NCOA1: variants seen among roughly 807,000 people sequenced by gnomAD.
The protein encoded by NCOA1 is nuclear receptor coactivator 1, also known as Hin-2 protein.
In NCOA1, 35 loss-of-function variants were observed where a neutral mutation model predicts 150.9. The ratio of observed to expected loss-of-function variants is 0.23; its 90% CI spans 0.18 to 0.31. The LOEUF (loss-of-function observed/expected upper bound fraction) is 0.31, where lower values mean the gene tolerates loss of function less well. NCOA1 is among the 10% of genes least tolerant of loss of function. NCOA1 has a pLI of 1.00. For missense variants in NCOA1, 1,491 were observed against 1,749.3 expected (o/e 0.85, Z 2.63); for synonymous variants, 590 against 630.0 (o/e 0.94, Z 0.95).
chr2:24,667,430 A>G (rs1487281279), intron 6 of NCOA1, among the ~76,000 whole-genome samples: 1 of 152,172 alleles, frequency 6.6e-6, no homozygotes, highest in Admixed American at 6.5e-5. Flanking sequence ...TAATGTGAAC[A>G]AAAAGCCAGG....
chr2:24,594,905 G>A (rs554370210), intron 3 of NCOA1, among the ~76,000 whole-genome samples: 2 of 152,068 alleles, frequency 1.3e-5, no homozygotes, highest in South Asian at 4.1e-4. Flanking sequence ...TTATAGTAAT[G>A]CAATTGCTTA....
intron 7 of NCOA1, among the ~76,000 whole-genome samples, chr2:24,674,128 T>C (rs1671798217): frequency 7.0e-6 from 1 of 142,052 alleles, no homozygotes; most frequent in African/African-American, 2.5e-5. Flanking sequence ...TATGTATGTG[T>C]GTGTGTGTGT....
chr2:24,569,856 T>C (rs1009617760), intron 2 of NCOA1, among the ~76,000 whole-genome samples: 1 of 145,606 alleles, frequency 6.9e-6, no homozygotes, highest in Non-Finnish European at 1.5e-5. Context: ...GGCAACAGAG[T>C]GATACTCCGT....
Position 24,769,832 on chromosome 2 carries a change from A to G in NCOA1, c.*1441A>G, listed in dbSNP as rs775411642. 1.3e-4 allele frequency: 28 copies of G among 223,440 alleles called. No individual in the cohort carries two copies. Among genetic ancestry groups the G allele is most frequent in the Non-Finnish European group, 2.1e-4 (23 of 111,762 alleles). 13.8% of individuals were successfully genotyped at this position (223,440 alleles called of 1,614,324 possible). A position where few individuals can be genotyped will look rare whatever the true frequency, so the allele number is the denominator to read the frequency against. On this transcript the variant is annotated 3_prime_UTR_variant, in exon 23 of 23. Coordinates refer to ENST00000348332, the MANE Select transcript of NCOA1 (RefSeq NM_003743.5). ...AAGGTATTGTGGAAGAAGCAAAGGTAGACCCCCATCACTCACCTTTGTCTG... is the reference window on the plus strand; with the variant it reads ...AAGGTATTGTGGAAGAAGCAAAGGTGGACCCCCATCACTCACCTTTGTCTG...
intron 1 of NCOA1, among the ~76,000 whole-genome samples, chr2:24,521,681 TGTA>T (rs1342295302): frequency 6.6e-6 from 1 of 152,228 alleles, no homozygotes; most frequent in Non-Finnish European, 1.5e-5. Flanking sequence ...TGAATAATGC[TGTA>T]GTCAACATGA....
intron 14 of NCOA1, among the ~76,000 whole-genome samples, chr2:24,716,097 T>C (rs1674024448): frequency 6.8e-6 from 1 of 147,302 alleles, no homozygotes; most frequent in Non-Finnish European, 1.5e-5. Context: ...TGAGCCGAGA[T>C]TGCGCCACTG....
chr2:24,674,272 C>A (rs1318856598), intron 7 of NCOA1, among the ~76,000 whole-genome samples: 1 of 148,254 alleles, frequency 6.7e-6, no homozygotes, highest in Admixed American at 6.8e-5. Context: ...GTGGTGTGGT[C>A]TCGGTTCACT....
intron 3 of NCOA1, among the ~76,000 whole-genome samples, chr2:24,594,425 A>G (rs1268511491): frequency 1.3e-5 from 2 of 152,104 alleles, no homozygotes; most frequent in African/African-American, 4.8e-5. Context: ...TCTCAAATTC[A>G]GGATTAGAAA....
intron 13 of NCOA1, among the ~76,000 whole-genome samples, chr2:24,710,113 G>T (rs1194583233): frequency 9.3e-5 from 14 of 151,304 alleles, no homozygotes; most frequent in Non-Finnish European, 2.1e-4. Context: ...TTATTTTTGA[G>T]ATGGGAGTCT....
intron 3 of NCOA1, among the ~76,000 whole-genome samples, chr2:24,590,058 C>G (rs1347610768): frequency 6.6e-6 from 1 of 152,152 alleles, no homozygotes; most frequent in Non-Finnish European, 1.5e-5. Flanking sequence ...CAATCTTGGC[C>G]AGAAAATATT....
At chr2:24,559,615 G>A (rs1163004058) in intron 1 of NCOA1, among the ~76,000 whole-genome samples, 2 of 152,178 alleles carry the variant, frequency 1.3e-5, no homozygotes, top group Non-Finnish European at 1.5e-5. Flanking sequence ...CTCAGCCTCA[G>A]CATTCCTGCC....
At chr2:24,718,913 C>T (rs1674206675) in intron 14 of NCOA1, among the ~76,000 whole-genome samples, 1 of 147,438 alleles carries the variant, frequency 6.8e-6, no homozygotes, top group Non-Finnish European at 1.5e-5. Flanking sequence ...CCTGTAATCA[C>T]AGCTTCTAGG....
intron 3 of NCOA1, among the ~76,000 whole-genome samples, chr2:24,596,880 T>C (rs1167740378): frequency 4.6e-5 from 7 of 152,204 alleles, no homozygotes; most frequent in African/African-American, 1.7e-4. Flanking sequence ...TGTGTGTCTT[T>C]CCAATCCCTG....
chr2:24,701,050 T>C (rs1201117042), intron 11 of NCOA1, among the ~76,000 whole-genome samples: 3 of 152,222 alleles, frequency 2.0e-5, no homozygotes, highest in Non-Finnish European at 4.4e-5. Context: ...AGAATACTTT[T>C]TCCTGGAGCA....
rs1673503330 is a variant in NCOA1, at chr2:24,707,397, C to G, written c.1927C>G (p.Gln643Glu). The G allele has an allele frequency of 1.2e-6, 2 of 1,614,198 alleles. No homozygotes were observed. The highest frequency in any genetic ancestry group is 1.1e-5 in the South Asian group (1 of 91,082). ...LVQLLTTTAE[Q>E]QLRHADIDTS... Reference sequence around the variant, plus strand: ...GCAGCTTTTGACAACAACTGCCGAACAGCAGTTACGGCATGCTGATATAGA... The same window carrying G: ...GCAGCTTTTGACAACAACTGCCGAAGAGCAGTTACGGCATGCTGATATAGA... Residue 643 changes from glutamine (Q) to glutamate (E), a missense_variant, in exon 13 of 23, where the codon CAG (glutamine) becomes GAG (glutamate). By Grantham distance (29) the Gln-to-Glu change is conservative (BLOSUM62 2). Coordinates refer to ENST00000348332, the MANE Select transcript of NCOA1 (RefSeq NM_003743.5).
At chr2:24,711,915 C>T (rs988394068) in intron 14 of NCOA1, among the ~76,000 whole-genome samples, 2 of 152,184 alleles carry the variant, frequency 1.3e-5, no homozygotes, top group South Asian at 2.1e-4. Flanking sequence ...GGATTTTCAA[C>T]GTTAGTTCTA....
intron 20 of NCOA1, among the ~76,000 whole-genome samples, chr2:24,756,085 A>G (rs1196322716): frequency 7.5e-6 from 1 of 134,146 alleles, no homozygotes; most frequent in Admixed American, 7.2e-5. Context: ...AAAAAAAAAA[A>G]AAAAAAAAAG....
intron 5 of NCOA1, among the ~76,000 whole-genome samples, chr2:24,660,493 C>T (rs1671137076): frequency 6.6e-6 from 1 of 151,518 alleles, no homozygotes; most frequent in African/African-American, 2.4e-5. Context: ...GGTATCTGAG[C>T]AATATAGAAT....
chr2:24,631,209 A>G (rs1037376718), intron 3 of NCOA1, among the ~76,000 whole-genome samples: 1 of 152,188 alleles, frequency 6.6e-6, no homozygotes, highest in Non-Finnish European at 1.5e-5. Context: ...CTACCAAAAT[A>G]ATTTATAATT....
Sources: gnomAD v4.1 joint callset for allele counts (sites outside exome capture counted in the v4.1 genomes callset) on GRCh38, gnomAD v4.1.1 for gene constraint, MANE v1.5 for transcripts, NCBI Gene and HGNC (gene_info 2026-07-23, HGNC 2026-07-21) for gene names.